The following CNTN5 variants were observed in gnomAD, a reference collection of about 807,000 sequenced individuals.
CNTN5 encodes contactin 5.
Under a neutral mutation model 129.1 loss-of-function variants are expected in CNTN5, and 77 were observed. The observed-to-expected ratio is 0.60, with a 90% CI of 0.50 to 0.72. CNTN5 has a LOEUF of 0.72. Among genes scored for constraint, CNTN5 ranks in the 30% least tolerant of loss-of-function variants. CNTN5 has a pLI of 0.00. For synonymous variants in CNTN5, 509 were observed against 465.6 expected (o/e 1.09, Z -1.20); for missense variants, 1,478 against 1,328.8 (o/e 1.11, Z -1.75).
At chr11:99,692,361 T>C (rs1008465498) in intron 3 of CNTN5, among the ~76,000 whole-genome samples, 1 of 152,170 alleles carries the variant, frequency 6.6e-6, no homozygotes, top group African/African-American at 2.4e-5. Flanking sequence ...AGTGTGTTTT[T>C]GTAGTGGCTG....
At chr11:99,282,764 C>T (rs1432030894) in intron 1 of CNTN5, among the ~76,000 whole-genome samples, 2 of 151,954 alleles carry the variant, frequency 1.3e-5, no homozygotes, top group Non-Finnish European at 2.9e-5. Flanking sequence ...AACAGGAAAG[C>T]GTTACTTTTC....
chr11:99,745,948 A>T (rs558225675), intron 3 of CNTN5, among the ~76,000 whole-genome samples: 2 of 152,314 alleles, frequency 1.3e-5, no homozygotes, highest in African/African-American at 4.8e-5. Flanking sequence ...ATGAAATTGG[A>T]CTTCCATTGG....
intron 7 of CNTN5, among the ~76,000 whole-genome samples, chr11:99,941,583 C>CACACACACACACACACACACACAA (rs1950437979): frequency 6.6e-6 from 1 of 151,914 alleles, no homozygotes; most frequent in Non-Finnish European, 1.5e-5. Flanking sequence ...CACACACACA[C>CACACACACACACACACACACACAA]ACAAAGAGAA....
intron 3 of CNTN5, among the ~76,000 whole-genome samples, chr11:99,561,598 A>G (rs780044934): frequency 7.9e-5 from 12 of 152,068 alleles, no homozygotes; most frequent in Non-Finnish European, 1.6e-4. Context: ...ACTGGTAAAC[A>G]TTTCCTCAGC....
In CNTN5 at chr11:99,088,570, T is replaced by C. The variant is rs149389137; in HGVS notation, c.-210+67300T>C. 4.9e-3 allele frequency among the ~76,000 whole-genome samples: 751 copies of C among 152,072 alleles called. 7 individuals carry two copies. Among genetic ancestry groups the C allele is most frequent in the Middle Eastern group, 0.02 (6 of 294 alleles). On this transcript the variant is annotated intron_variant, in intron 1 of 24. Transcript: ENST00000524871. ...CGATTCACCAAAGGCTAATGAAACG[T>C]AGAAGGTGTGGGAAAAGCAACAGCA... is the stretch of plus-strand genomic sequence containing the variant.
At chr11:99,144,731 C>T (rs1859692542) in intron 1 of CNTN5, among the ~76,000 whole-genome samples, 1 of 151,894 alleles carries the variant, frequency 6.6e-6, no homozygotes, top group Admixed American at 6.6e-5. Context: ...TTTTCTATTT[C>T]ATTCATTGAA....
chr11:99,340,231 A>C (rs1199638156), intron 2 of CNTN5, among the ~76,000 whole-genome samples: 1 of 152,146 alleles, frequency 6.6e-6, no homozygotes, highest in Non-Finnish European at 1.5e-5. Context: ...ATTTCCAGAC[A>C]GGTGTGGGGT....
intron 18 of CNTN5, among the ~76,000 whole-genome samples, chr11:100,276,935 C>T (rs968757674): frequency 4.6e-5 from 7 of 151,636 alleles, no homozygotes; most frequent in East Asian, 1.9e-4. Context: ...TTTTTATATC[C>T]ATTAACCATC....
chr11:99,425,916 C>T (rs1943100849), intron 2 of CNTN5, among the ~76,000 whole-genome samples: 1 of 152,206 alleles, frequency 6.6e-6, no homozygotes, highest in Non-Finnish European at 1.5e-5. Flanking sequence ...CTGCTGCCAT[C>T]ACAACCATGG....
At chr11:99,075,244 T>A (rs11218308) in intron 1 of CNTN5, among the ~76,000 whole-genome samples, 1 of 152,140 alleles carries the variant, frequency 6.6e-6, no homozygotes, top group Admixed American at 6.5e-5. Flanking sequence ...TAAATGTTCA[T>A]GTCAATATGA....
intron 2 of CNTN5, among the ~76,000 whole-genome samples, chr11:99,411,190 A>G (rs962694905): frequency 6.6e-6 from 1 of 152,214 alleles, no homozygotes; most frequent in Non-Finnish European, 1.5e-5. Context: ...TGAAATTTCC[A>G]CAATATATAA....
intron 1 of CNTN5, among the ~76,000 whole-genome samples, chr11:99,037,117 A>G (rs147937070): frequency 0.013 from 2,020 of 152,356 alleles, 52 homozygotes; most frequent in African/African-American, 0.046. Flanking sequence ...ATCTTCTTCA[A>G]TCACATAAAA....
chr11:99,286,229 C>T (rs1202658371), intron 1 of CNTN5, among the ~76,000 whole-genome samples: 3 of 152,110 alleles, frequency 2.0e-5, no homozygotes, highest in Non-Finnish European at 4.4e-5. Flanking sequence ...CAGTTATCAT[C>T]CCCTAAATAT....
intron 1 of CNTN5, among the ~76,000 whole-genome samples, chr11:99,234,966 A>C (rs188404423): frequency 1.1e-3 from 168 of 152,166 alleles, no homozygotes; most frequent in African/African-American, 3.7e-3. Flanking sequence ...TACAAAGTCA[A>C]TTGAGAAACC....
At chr11:99,347,210 A>G (rs1937953126) in intron 2 of CNTN5, among the ~76,000 whole-genome samples, 1 of 152,190 alleles carries the variant, frequency 6.6e-6, no homozygotes, top group Non-Finnish European at 1.5e-5. Context: ...CCATGTCTTT[A>G]TGCTACTGAA....
intron 1 of CNTN5, among the ~76,000 whole-genome samples, chr11:99,073,139 G>A (rs1865406510): frequency 6.6e-6 from 1 of 151,990 alleles, no homozygotes; most frequent in African/African-American, 2.4e-5. Flanking sequence ...CTACCATTGA[G>A]GGCATTTAGG....
At chr11:99,760,447 C>T (rs1009485767) in intron 3 of CNTN5, among the ~76,000 whole-genome samples, 2 of 152,034 alleles carry the variant, frequency 1.3e-5, no homozygotes, top group African/African-American at 4.8e-5. Context: ...GATTGCACAA[C>T]TCTGTACATT....
intron 2 of CNTN5, among the ~76,000 whole-genome samples, chr11:99,382,164 T>G (rs1197861126): frequency 2.0e-5 from 3 of 152,130 alleles, no homozygotes; most frequent in Non-Finnish European, 4.4e-5. Context: ...CCTAATGACC[T>G]TAAAGCCAGG....
chr11:99,700,467 A>T (rs989451959), intron 3 of CNTN5, among the ~76,000 whole-genome samples: 24 of 151,564 alleles, frequency 1.6e-4, no homozygotes, highest in African/African-American at 5.5e-4. Flanking sequence ...AGGCAAGGCT[A>T]TGCAGACATA....
Sources: allele counts gnomAD v4.1 joint callset (sites outside exome capture counted in the v4.1 genomes callset), GRCh38; gene constraint gnomAD v4.1.1; transcripts MANE v1.5; gene names NCBI Gene and HGNC (gene_info 2026-07-23, HGNC 2026-07-21).